The following TMEM219 variants were observed in gnomAD, a reference collection of about 807,000 sequenced individuals.
The protein encoded by TMEM219 is transmembrane protein 219.
Under a neutral mutation model 17.9 loss-of-function variants are expected in TMEM219, and 18 were observed. That is an observed-to-expected ratio of 1.01 (90% confidence interval 0.70 to 1.49). TMEM219 has a LOEUF of 1.49. Among genes scored for constraint, TMEM219 ranks in the 40% most tolerant of loss-of-function variants. The probability of loss-of-function intolerance (pLI) is 0.00; values close to 1 mark genes in which losing one functional copy is unlikely to be tolerated. For missense variants in TMEM219, 288 were observed against 292.4 expected, an observed-to-expected ratio of 0.99 and a Z score of 0.11; for synonymous variants, 113 against 124.0, an observed-to-expected ratio of 0.91 and a Z score of 0.59.
At chr16:29,968,623 G>T in intron 4 of TMEM219, 1 of 193,166 alleles carries the variant, frequency 5.2e-6, no homozygotes, top group Non-Finnish European at 1.1e-5. Flanking sequence ...GAGGCAAATG[G>T]GCTAATTGCT....
Position 29,963,520 on chromosome 16 carries a change from G to C in TMEM219, c.286G>C (p.Asp96His), listed in dbSNP as rs1412672409. Reference sequence around the variant, plus strand: ...CTTGCTGACCACCTTGAACTTCGGAGACGGTCCAGACAGGAACAAGACCCG... The same window carrying C: ...CTTGCTGACCACCTTGAACTTCGGACACGGTCCAGACAGGAACAAGACCCG... ...VGLLTTLNFG[D>H]GPDRNKTRTF... The change falls in exon 3 of 6, where the codon GAC becomes CAC. Residue 96 changes from aspartate to histidine, a missense_variant. Transcript: ENST00000279396. 2 of 1,614,188 alleles carry C rather than the reference G, an allele frequency of 1.2e-6. No individual in the cohort carries two copies. Among genetic ancestry groups the C allele is most frequent in the Non-Finnish European group, 8.5e-7 (1 of 1,180,036 alleles).
chr16:29,968,278 A>G (rs2069240667), intron 4 of TMEM219, 24 bp downstream of exon 4: 2 of 1,584,114 alleles, frequency 1.3e-6, no homozygotes, highest in South Asian at 2.2e-5. Context: ...ATGGGTCGCC[A>G]GGGTTTTGTA....
intron 3 of TMEM219, among the ~76,000 whole-genome samples, chr16:29,964,438 G>A (rs1401447462): frequency 2.7e-5 from 4 of 150,718 alleles, no homozygotes; most frequent in African/African-American, 4.9e-5. Flanking sequence ...AGCCAAGATC[G>A]TGCCACTGTA....
chr16:29,969,301 A>G (rs1016276026), intron 4 of TMEM219, among the ~76,000 whole-genome samples: 4 of 140,606 alleles, frequency 2.8e-5, no homozygotes, highest in Non-Finnish European at 6.0e-5. Context: ...GGTTCATGCC[A>G]TTCTCCTGCC....
At chr16:29,971,702 T>G in intron 5 of TMEM219, 124 bp downstream of exon 5, 1 of 900,012 alleles carries the variant, frequency 1.1e-6, no homozygotes, top group Non-Finnish European at 1.7e-6. Flanking sequence ...CCCGAGAACC[T>G]CTTCAACCAC....
At chr16:29,970,282 TG>T (rs1399191164) in intron 4 of TMEM219, among the ~76,000 whole-genome samples, 1 of 150,534 alleles carries the variant, frequency 6.6e-6, no homozygotes, top group Non-Finnish European at 1.5e-5. Context: ...ACCTGGGACT[TG>T]GAATCAGAGA....
intron 3 of TMEM219, among the ~76,000 whole-genome samples, chr16:29,964,476 C>T (rs2069187416): frequency 6.6e-6 from 1 of 151,646 alleles, no homozygotes; most frequent in South Asian, 2.1e-4. Context: ...GAGCAAGACT[C>T]CGTCTCAAAC....
intron 1 of TMEM219, 140 bp from the exon 2 acceptor site, chr16:29,962,967 T>C (rs754506463): frequency 1.4e-6 from 1 of 713,980 alleles, no homozygotes; most frequent in Non-Finnish European, 2.4e-6. Flanking sequence ...GTTGAACTTT[T>C]GGAGTCGGGA....
chr16:29,967,754 C>T lies in TMEM219; in HGVS notation c.356-271C>T, dbSNP rs544828241. On this transcript the variant is annotated intron_variant, in intron 3 of 5. Coordinates refer to ENST00000279396, the MANE Select transcript of TMEM219 (RefSeq NM_001083613.2). ...CATCCTGGCTACCACAGTGAAACCCCGTCTCTACTAAAAATACAAAAAATT... is the reference window on the plus strand; with the variant it reads ...CATCCTGGCTACCACAGTGAAACCCTGTCTCTACTAAAAATACAAAAAATT... Among the ~76,000 whole-genome samples, 15 of 152,170 alleles carry T rather than the reference C, an allele frequency of 9.9e-5. 1 individual carries two copies. The highest frequency in any genetic ancestry group is 5.8e-4 in the East Asian group (3 of 5,166).
chr16:29,967,723 C>T (rs559496110), intron 3 of TMEM219, among the ~76,000 whole-genome samples: 5 of 152,072 alleles, frequency 3.3e-5, no homozygotes, highest in East Asian at 1.9e-4. Flanking sequence ...GTCAGGAGAT[C>T]AAGACCATCC....
chr16:29,963,003 C>A lies in TMEM219; in HGVS notation c.-37-104C>A, dbSNP rs954694163. 18 of 937,098 alleles carry A rather than the reference C, an allele frequency of 1.9e-5. No individual in the cohort carries two copies. In the South Asian group the frequency reaches 2.7e-4, roughly 14 times the overall value. The allele number at this position is 937,098 out of a possible 1,614,324, so 58.0% of individuals were successfully genotyped here. ...ACCTTGGATTCTTGTTCTGGCTCTG[C>A]CACTTACTGTGTGGCCTTGGGAAGT... On this transcript the variant is annotated intron_variant, in intron 1 of 5. Transcript: ENST00000279396.
chr16:29,962,814 G>T (rs1259232068), intron 1 of TMEM219: 1 of 274,406 alleles, frequency 3.6e-6, no homozygotes, highest in Non-Finnish European at 7.1e-6. Flanking sequence ...CCAAATCCTC[G>T]CCCCAGAACA....
In TMEM219 at chr16:29,963,187, C is replaced by G; in HGVS notation, c.44C>G (p.Ala15Gly). 6.2e-7 allele frequency: 1 copy of G among 1,613,486 alleles called. No individual in the cohort carries two copies. Among genetic ancestry groups the G allele is most frequent in the Middle Eastern group, 1.6e-4 (1 of 6,062 alleles). The change falls in exon 2 of 6, where the codon GCC becomes GGC. Residue 15 changes from alanine (A) to glycine (G), a missense_variant. Transcript: ENST00000279396. ...GGGCACAACCTGCACCTGTGTCTGG[C>G]CCACCACCCACCTCTGGTCTGTGCC... ...QAGHNLHLCL[A>G]HHPPLVCATL...
chr16:29,971,771 T>A (rs1339455216), intron 5 of TMEM219, 193 bp downstream of exon 5: 1 of 451,466 alleles, frequency 2.2e-6, no homozygotes, highest in African/African-American at 2.0e-5. Context: ...ATTTTTCTAA[T>A]TACTTTAACT....
At chr16:29,967,452 A>T (rs901441996) in intron 3 of TMEM219, among the ~76,000 whole-genome samples, 1 of 152,058 alleles carries the variant, frequency 6.6e-6, no homozygotes, top group Non-Finnish European at 1.5e-5. Context: ...CTACAAAAAA[A>T]TTTTTTTAAA....
rs377613584 is a variant in TMEM219, at chr16:29,967,825, A to G, written c.356-200A>G. ...ACCTGTAGTCCCAGCTACTCGGGAG[A>G]CTGAGGCAGGAGAATGGTGTGAACC... On this transcript the variant is annotated intron_variant, in intron 3 of 5. Coordinates refer to ENST00000279396, the MANE Select transcript of TMEM219 (RefSeq NM_001083613.2). Among the ~76,000 whole-genome samples the G allele has an allele frequency of 7.9e-5, 12 of 151,686 alleles. 1 individual carries two copies. Among genetic ancestry groups the G allele is most frequent in the East Asian group, 1.9e-4 (1 of 5,148 alleles).
At chr16:29,963,798 G>A (rs1401202093) in intron 3 of TMEM219, among the ~76,000 whole-genome samples, 3 of 148,234 alleles carry the variant, frequency 2.0e-5, no homozygotes, top group African/African-American at 7.5e-5. Flanking sequence ...AAGGAGAATC[G>A]CTTGAACCCA....
chr16:29,969,271 A>C (rs2069251360), intron 4 of TMEM219, among the ~76,000 whole-genome samples: 1 of 135,260 alleles, frequency 7.4e-6, no homozygotes, highest in East Asian at 2.1e-4. Context: ...ATCTCGGCTC[A>C]CTGCAAGCTC....
intron 4 of TMEM219, among the ~76,000 whole-genome samples, chr16:29,970,139 C>T (rs2150866360): frequency 6.6e-6 from 1 of 150,904 alleles, no homozygotes; most frequent in African/African-American, 2.4e-5. Flanking sequence ...GAGGCTGAGG[C>T]AGGAGAATCT....
Sources: gnomAD v4.1 joint callset for allele counts (sites outside exome capture counted in the v4.1 genomes callset) on GRCh38, gnomAD v4.1.1 for gene constraint, MANE v1.5 for transcripts, NCBI Gene and HGNC (gene_info 2026-07-23, HGNC 2026-07-21) for gene names.